The following TTLL6 variants were observed in gnomAD, a reference collection of about 807,000 sequenced individuals.
TTLL6 encodes tubulin tyrosine ligase like 6, also known as tubulin polyglutamylase TTLL6.
In TTLL6, 75 loss-of-function variants were observed where a neutral mutation model predicts 96.4. The ratio of observed to expected loss-of-function variants is 0.78; its 90% CI spans 0.65 to 0.94. The LOEUF is 0.94. Ranked by LOEUF, TTLL6 falls within the 40% of genes least tolerant of loss-of-function variation. TTLL6 has a pLI of 0.00. For synonymous variants in TTLL6, 411 were observed against 419.4 expected (o/e 0.98, Z 0.24); for missense variants, 1,030 against 1,093.0 (o/e 0.94, Z 0.81).
rs2039330889 is a variant in TTLL6 at position 48,797,136 on chromosome 17, G to A, written c.837C>T (p.Leu279=). ...GTCCTTCATTGTACACAAAAATCCTGAGAGGGTCACAGGATGTCACCAGTA... is the reference window on the plus strand; with the variant it reads ...GTCCTTCATTGTACACAAAAATCCTAAGAGGGTCACAGGATGTCACCAGTA... ...IYVLVTSCDP[L]RIFVYNEGLA... Residue 279 remains leucine (L), a synonymous_variant, in exon 7 of 16, where the codon CTC becomes CTT. Coordinates refer to ENST00000393382, the MANE Select transcript of TTLL6 (RefSeq NM_001130918.3). 1.3e-6 allele frequency: 2 copies of A among 1,551,470 alleles called. No individual in the cohort carries two copies. The highest frequency in any genetic ancestry group is 1.7e-6 in the Non-Finnish European group (2 of 1,147,002).
intron 1 of TTLL6, among the ~76,000 whole-genome samples, chr17:48,813,316 G>C (rs1376389132): frequency 6.9e-6 from 1 of 144,434 alleles, no homozygotes; most frequent in African/African-American, 2.6e-5. Flanking sequence ...AGCACTTTCG[G>C]AGGCCAAGGT....
rs2143144204 is a variant in TTLL6 at position 48,762,706 on chromosome 17, T to C, written c.*268A>G. On this transcript the variant is annotated 3_prime_UTR_variant, in exon 16 of 16. Transcript: ENST00000393382. ...GAAGAACCCAGAGAAGTGCCACTGG[T>C]ACGGCAACTGGAGTGTGTCCTGGGG... The C allele has an allele frequency of 3.7e-6, 1 of 267,790 alleles. No homozygotes were observed. The highest frequency in any genetic ancestry group is 5.7e-4 in the Middle Eastern group (1 of 1,748). The allele number at this position is 267,790 out of a possible 1,614,324, so 16.6% of individuals were successfully genotyped here. A position where few individuals can be genotyped will look rare whatever the true frequency, so the allele number is the denominator to read the frequency against.
At position 48,762,913 on chromosome 17, in the gene TTLL6, C is replaced by G. The variant is rs942763514; in HGVS notation, c.*61G>C. On this transcript the variant is annotated 3_prime_UTR_variant, in exon 16 of 16. Coordinates refer to ENST00000393382, the MANE Select transcript of TTLL6 (RefSeq NM_001130918.3). ...ACACTGGAGACACTGTCGGAAGAGA[C>G]ACATTGTTTCCTGCAAGTTAAGAGG... is the stretch of plus-strand genomic sequence containing the variant. 2.2e-6 allele frequency: 1 copy of G among 456,158 alleles called. No homozygotes were observed. Among genetic ancestry groups the G allele is most frequent in the South Asian group, 1.6e-5 (1 of 64,500 alleles). The allele number at this position is 456,158 out of a possible 1,614,324, so 28.3% of individuals were successfully genotyped here. A position where few individuals can be genotyped will look rare whatever the true frequency, so the allele number is the denominator to read the frequency against.
rs1387261103 is a variant in TTLL6, at chr17:48,801,663, C to CT, written c.362-21dup. The CT allele has an allele frequency of 3.2e-5, 49 of 1,541,382 alleles. No individual in the cohort carries two copies. Among genetic ancestry groups the CT allele is most frequent in the Non-Finnish European group, 4.3e-5 (49 of 1,137,994 alleles). On this transcript the variant is annotated intron_variant, in intron 3 of 15. Transcript: ENST00000393382. Reference sequence around the variant, plus strand: ...TGCGCACTATTGAAGAAAGAAAGGCCTATTAGCCCAGGAAGTGGGGGAGGA... The same window carrying CT: ...TGCGCACTATTGAAGAAAGAAAGGCCTTATTAGCCCAGGAAGTGGGGGAGGA...
At chr17:48,810,772 A>AGT (rs1421216688) in intron 1 of TTLL6, among the ~76,000 whole-genome samples, 2 of 129,532 alleles carry the variant, frequency 1.5e-5, no homozygotes, top group African/African-American at 6.0e-5. Context: ...ACACATATAT[A>AGT]GTATGTGTGT....
intron 6 of TTLL6, among the ~76,000 whole-genome samples, chr17:48,798,925 G>A (rs2039364331): frequency 6.6e-6 from 1 of 150,750 alleles, no homozygotes. Flanking sequence ...CACTTCCCGG[G>A]CTCAAGCAAT....
intron 4 of TTLL6, 68 bp downstream of exon 4, chr17:48,801,457 G>C: frequency 6.4e-7 from 1 of 1,550,938 alleles, no homozygotes; most frequent in Non-Finnish European, 8.7e-7. Flanking sequence ...CGGGAGACAG[G>C]TGTAAAAATG....
chr17:48,804,327 G>A (rs1228367880), intron 2 of TTLL6: 3 of 486,262 alleles, frequency 6.2e-6, no homozygotes, highest in Non-Finnish European at 1.2e-5. Flanking sequence ...AAGTGGACAA[G>A]CTTTCCTTCA....
At chr17:48,793,517 C>T (rs1466498064) in intron 8 of TTLL6, among the ~76,000 whole-genome samples, 5 of 151,406 alleles carry the variant, frequency 3.3e-5, no homozygotes, top group East Asian at 2.0e-4. Flanking sequence ...CGCTTGAATC[C>T]GGGAGTCGAA....
chr17:48,804,855 C>T lies in TTLL6; in HGVS notation c.240G>A (p.Leu80=), dbSNP rs576954381. The T allele has an allele frequency of 5.2e-6, 8 of 1,552,358 alleles. No individual in the cohort carries two copies. In the Admixed American group the frequency reaches 1.6e-4, roughly 30 times the overall value. The change falls in exon 2 of 16, where the codon CTG becomes CTA. Residue 80 remains leucine (L), a synonymous_variant. Coordinates refer to ENST00000393382, the MANE Select transcript of TTLL6 (RefSeq NM_001130918.3). ...SKEDPKETVA[L]AFVRENPGAQ... is the part of the protein sequence containing the mutation. ...CCCCTGGGTTCTCTCTCACAAAAGC[C>T]AGCGCGACGGTTTCTTTTGGATCTT...
chr17:48,801,759 C>T (rs1304725054), intron 3 of TTLL6, 116 bp from the exon 4 acceptor site: 5 of 763,206 alleles, frequency 6.6e-6, no homozygotes, highest in Non-Finnish European at 8.5e-6. Context: ...CTCGGCTCCT[C>T]GAGACTGGAA....
chr17:48,763,484 C>T (rs1434158280), intron 15 of TTLL6, among the ~76,000 whole-genome samples: 1 of 152,152 alleles, frequency 6.6e-6, no homozygotes, highest in Non-Finnish European at 1.5e-5. Context: ...TTTACCAAGC[C>T]ATGAGTCATC....
intron 13 of TTLL6, among the ~76,000 whole-genome samples, chr17:48,771,695 C>G (rs1219851093): frequency 6.6e-6 from 1 of 151,952 alleles, no homozygotes; most frequent in Non-Finnish European, 1.5e-5. Flanking sequence ...ATCTATCACT[C>G]TTTAGAAGAA....
chr17:48,807,329 G>T (rs1289879721), intron 1 of TTLL6, among the ~76,000 whole-genome samples: 3 of 151,782 alleles, frequency 2.0e-5, no homozygotes, highest in South Asian at 4.2e-4. Flanking sequence ...AACCTCAGGT[G>T]ATCCACCTGC....
At chr17:48,803,788 A>G in intron 3 of TTLL6, 103 bp downstream of exon 3, 1 of 1,178,808 alleles carries the variant, frequency 8.5e-7, no homozygotes, top group Non-Finnish European at 1.2e-6. Context: ...GGATTTGAAG[A>G]TACGCCCTTT....
At chr17:48,810,788 TATATA>T (rs1333672107) in intron 1 of TTLL6, among the ~76,000 whole-genome samples, 10 of 92,282 alleles carry the variant, frequency 1.1e-4, no homozygotes, top group Admixed American at 2.6e-4. Flanking sequence ...TGTGTATATA[TATATA>T]GTACATATAT....
At chr17:48,809,456 A>G (rs988837251) in intron 1 of TTLL6, among the ~76,000 whole-genome samples, 1 of 152,138 alleles carries the variant, frequency 6.6e-6, no homozygotes, top group Non-Finnish European at 1.5e-5. Context: ...TAACTTGGGG[A>G]GAGAAAACTG....
At chr17:48,804,019 A>G (rs950722109) in intron 2 of TTLL6, 91 bp from the exon 3 acceptor site, 2 of 1,452,948 alleles carry the variant, frequency 1.4e-6, no homozygotes, top group Non-Finnish European at 1.9e-6. Context: ...TCCCAGGTGG[A>G]GCTGTCTGAA....
In TTLL6 at chr17:48,793,550, G is replaced by A. The variant is rs190153322; in HGVS notation, c.999-1947C>T. Among the ~76,000 whole-genome samples the A allele has an allele frequency of 4.0e-5, 6 of 151,412 alleles. No homozygotes were observed. The East Asian group carries it at 5.8e-4, about 15-fold the overall frequency. On this transcript the variant is annotated intron_variant, in intron 8 of 15. Transcript: ENST00000393382. ...GAAACTTTTGCAGTGAGCCGGGATC[G>A]CGCCATTGCACTCCAGTCTGGGGTG...
Sources: allele counts gnomAD v4.1 joint callset (sites outside exome capture counted in the v4.1 genomes callset), GRCh38; gene constraint gnomAD v4.1.1; transcripts MANE v1.5; gene names NCBI Gene and HGNC (gene_info 2026-07-23, HGNC 2026-07-21).